UNC80: variants seen among roughly 807,000 people sequenced by gnomAD.
UNC80 encodes protein unc-80 homolog.
UNC80 carries 164 observed loss-of-function variants against 384.6 expected under a neutral mutation model. The observed-to-expected ratio is 0.43, with a 90% CI of 0.38 to 0.49. UNC80 has a LOEUF of 0.49. Among genes scored for constraint, UNC80 ranks in the 20% least tolerant of loss-of-function variants. The pLI is 0.00. For missense variants in UNC80, 3,330 were observed against 4,143.0 expected, an observed-to-expected ratio of 0.80 and a Z score of 5.39; for synonymous variants, 1,486 against 1,527.8, an observed-to-expected ratio of 0.97 and a Z score of 0.64.
chr2:209,864,247 G>GA (rs2083548591), intron 22 of UNC80, among the ~76,000 whole-genome samples: 1 of 151,958 alleles, frequency 6.6e-6, no homozygotes, highest in African/African-American at 2.4e-5. Flanking sequence ...TGACCTCGAG[G>GA]GGCACCAACC....
intron 22 of UNC80, among the ~76,000 whole-genome samples, chr2:209,871,465 T>C (rs2084289431): frequency 6.6e-6 from 1 of 152,226 alleles, no homozygotes; most frequent in Non-Finnish European, 1.5e-5. Context: ...TGACAGTCTA[T>C]GTTAGCCTCT....
At chr2:209,946,125 C>CT (rs1203256783) in intron 47 of UNC80, among the ~76,000 whole-genome samples, 182 bp downstream of exon 47, 5 of 152,120 alleles carry the variant, frequency 3.3e-5, no homozygotes, top group Non-Finnish European at 7.3e-5. Flanking sequence ...CTTTGGAAGG[C>CT]TGAGGCAAGA....
At position 209,870,480 on chromosome 2, in the gene UNC80, T is replaced by C. The variant is rs183421656; in HGVS notation, c.3628-2278T>C. On this transcript the variant is annotated intron_variant, in intron 22 of 64. Coordinates refer to ENST00000673920, the MANE Select transcript of UNC80 (RefSeq NM_001371986.1). ...TCATCTGACTCCTTGCAATCTCAAGTTTTTCTATCCCTGTGACCTGCTTCC... is the reference window on the plus strand; with the variant it reads ...TCATCTGACTCCTTGCAATCTCAAGCTTTTCTATCCCTGTGACCTGCTTCC... Among the ~76,000 whole-genome samples, 188 of 152,176 alleles carry C rather than the reference T, an allele frequency of 1.2e-3. 3 individuals are homozygous for C. The highest frequency in any genetic ancestry group is 2.4e-4 in the Non-Finnish European group (16 of 67,976).
intron 64 of UNC80, among the ~76,000 whole-genome samples, chr2:209,994,815 A>T (rs1436414673): frequency 6.6e-6 from 1 of 152,216 alleles, no homozygotes; most frequent in Non-Finnish European, 1.5e-5. Flanking sequence ...TTAAGTTACC[A>T]GTTTAGATAA....
In UNC80 at chr2:209,954,087, C is replaced by A; in HGVS notation, c.7287-13C>A. 1 of 1,539,852 alleles carries A rather than the reference C, an allele frequency of 6.5e-7. No homozygotes were observed. The highest frequency in any genetic ancestry group is 8.7e-7 in the Non-Finnish European group (1 of 1,143,136). ...TGTAAAAGGTGACTCGGTTTTCTTT[C>A]TGTCGCTTAAAGTCTTCAGATGCTG... On this transcript the variant is annotated splice_polypyrimidine_tract_variant and intron_variant, in intron 47 of 64. Coordinates refer to ENST00000673920, the MANE Select transcript of UNC80 (RefSeq NM_001371986.1).
At chr2:209,917,711 C>T (rs1391838608) in intron 31 of UNC80, 66 bp from the exon 32 acceptor site, 3 of 1,517,724 alleles carry the variant, frequency 2.0e-6, no homozygotes, top group East Asian at 2.5e-5. Flanking sequence ...GTTTCCACTT[C>T]TCCCCAACCC....
At chr2:209,877,194 A>G (rs895833387) in intron 23 of UNC80, among the ~76,000 whole-genome samples, 48 of 152,156 alleles carry the variant, frequency 3.2e-4, no homozygotes, top group African/African-American at 1.1e-3. Context: ...AATAAAATGA[A>G]TTAGATAGAG....
rs2090473989 is a variant in UNC80 at position 209,926,845 on chromosome 2, G to A, written c.5665G>A (p.Glu1889Lys). Reference sequence around the variant, plus strand: ...CCTGATTTTGTCTCCCATTTTAGATGAGGAACATACCACTGAACACACGCC... The same window carrying A: ...CCTGATTTTGTCTCCCATTTTAGATAAGGAACATACCACTGAACACACGCC... The part of the protein sequence containing the change: ...SVRSAVSAED[E>K]EHTTEHTPNH... Residue 1889 changes from glutamate to lysine, a missense_variant and splice_region_variant, in exon 36 of 65, where the codon GAG becomes AAG. Glu to Lys is a moderately conservative substitution (Grantham distance 56, BLOSUM62 1). This residue lies in a region of UNC80 where 1,049 missense variants were observed against 1,488.6 expected (regional missense o/e 0.70). Transcript: ENST00000673920. The A allele has an allele frequency of 6.4e-7, 1 of 1,551,904 alleles. No individual in the cohort carries two copies. The highest frequency in any genetic ancestry group is 8.7e-7 in the Non-Finnish European group (1 of 1,146,956).
intron 26 of UNC80, among the ~76,000 whole-genome samples, chr2:209,888,650 C>G (rs1156400417): frequency 6.6e-6 from 1 of 151,976 alleles, no homozygotes; most frequent in Non-Finnish European, 1.5e-5. Context: ...GAGTCTCACT[C>G]TGTCTCCCAG....
chr2:209,932,462 G>A (rs1482644098), intron 38 of UNC80, among the ~76,000 whole-genome samples: 1 of 152,154 alleles, frequency 6.6e-6, no homozygotes, highest in Non-Finnish European at 1.5e-5. Context: ...CCCAAAGAGG[G>A]ACTGGAGATG....
chr2:209,900,169 G>T (rs959861381), intron 28 of UNC80, among the ~76,000 whole-genome samples: 1 of 152,168 alleles, frequency 6.6e-6, no homozygotes, highest in Non-Finnish European at 1.5e-5. Flanking sequence ...ATGTCTGTGT[G>T]TATACAGGCA....
At chr2:209,837,686 C>T (rs1376576441) in intron 18 of UNC80, among the ~76,000 whole-genome samples, 2 of 152,108 alleles carry the variant, frequency 1.3e-5, no homozygotes, top group African/African-American at 4.8e-5. Context: ...CAACTGTTTC[C>T]GTGGTGTTGA....
rs2087810580 is a variant in UNC80 at position 209,903,636 on chromosome 2, A to ATATAGTATATATGTAATATATATATAC, written c.4582-1124_4582-1098dup. 4.5e-4 allele frequency among the ~76,000 whole-genome samples: 53 copies of ATATAGTATATATGTAATATATATATAC among 117,464 alleles called. 1 individual carries two copies. Among genetic ancestry groups the ATATAGTATATATGTAATATATATATAC allele is most frequent in the Non-Finnish European group, 7.6e-4 (45 of 59,208 alleles). 77.1% of individuals were successfully genotyped at this position (117,464 alleles called of 152,430 possible). ...TATATGTAATATATATATACTATATATATAGTATATATGTAATATATATAT... is the reference window on the plus strand; with the variant it reads ...TATATGTAATATATATATACTATATATATAGTATATATGTAATATATATATACTATAGTATATATGTAATATATATAT... On this transcript the variant is annotated intron_variant, in intron 28 of 64. Transcript: ENST00000673920.
intron 7 of UNC80, among the ~76,000 whole-genome samples, chr2:209,803,749 T>G (rs56057614): frequency 6.2e-4 from 94 of 152,228 alleles, no homozygotes; most frequent in African/African-American, 2.2e-3. Context: ...TTTAATTTTT[T>G]AGAGACAGGG....
chr2:209,984,740 GTTAAATCTATTTA>G lies in UNC80; in HGVS notation c.9258-113_9258-101del. 3.1e-6 allele frequency: 3 copies of G among 971,888 alleles called. No individual in the cohort carries two copies. In the South Asian group the frequency reaches 5.1e-5, roughly 17 times the overall value. The allele number at this position is 971,888 out of a possible 1,614,324, so 60.2% of individuals were successfully genotyped here. ...CTGTCTCCTTTTCCTTCCTTGTTCG[GTTAAATCTATTTA>G]TTTTTGGTTCTTGGAAGCAGAAAAT... is the stretch of plus-strand genomic sequence containing the variant. On this transcript the variant is annotated intron_variant, in intron 60 of 64. Coordinates refer to ENST00000673920, the MANE Select transcript of UNC80 (RefSeq NM_001371986.1).
At chr2:209,871,284 A>G (rs1241112445) in intron 22 of UNC80, among the ~76,000 whole-genome samples, 1 of 152,186 alleles carries the variant, frequency 6.6e-6, no homozygotes, top group Non-Finnish European at 1.5e-5. Context: ...CTAGCATAGG[A>G]CCAGCATCAA....
At chr2:209,933,754 C>A in intron 38 of UNC80, 68 bp from the exon 39 acceptor site, 1 of 1,389,178 alleles carries the variant, frequency 7.2e-7, no homozygotes, top group Non-Finnish European at 9.7e-7. Flanking sequence ...ACAAGAAAAG[C>A]TAAGGAAATG....
chr2:209,888,072 T>G, intron 25 of UNC80, 23 bp from the exon 26 acceptor site: 1 of 1,551,354 alleles, frequency 6.4e-7, no homozygotes, highest in Admixed American at 2.0e-5. Flanking sequence ...CCAGCACTCA[T>G]GTGCTCCTCA....
intron 22 of UNC80, among the ~76,000 whole-genome samples, chr2:209,858,646 A>G (rs1487364970): frequency 1.3e-5 from 2 of 151,642 alleles, no homozygotes; most frequent in Non-Finnish European, 2.9e-5. Context: ...GTGAGCCCAG[A>G]TCACACAACC....
Sources: gnomAD v4.1 joint callset for allele counts (sites outside exome capture counted in the v4.1 genomes callset) on GRCh38, gnomAD v4.1.1 for gene constraint, gnomAD v4.1.1 regional missense constraint, MANE v1.5 for transcripts, NCBI Gene and HGNC (gene_info 2026-07-23, HGNC 2026-07-21) for gene names.